CTNND2: variants seen among roughly 807,000 people sequenced by gnomAD.
CTNND2 encodes catenin delta 2.
CTNND2 carries 22 observed loss-of-function variants against 144.4 expected under a neutral mutation model. The ratio of observed to expected loss-of-function variants is 0.15; its 90% CI spans 0.11 to 0.22. CTNND2 has a LOEUF of 0.22. CTNND2 is among the 10% of genes least tolerant of loss of function. The pLI, the probability that CTNND2 is intolerant of heterozygous loss-of-function variation, is 1.00. For missense variants in CTNND2, 1,353 were observed against 1,618.8 expected, an observed-to-expected ratio of 0.84 and a Z score of 2.82; for synonymous variants, 751 against 695.6, an observed-to-expected ratio of 1.08 and a Z score of -1.25.
Position 11,397,052 on chromosome 5 carries a change from A to G in CTNND2, c.591T>C (p.Ala197=). The G allele has an allele frequency of 6.2e-7, 1 of 1,613,684 alleles. No individual in the cohort carries two copies. The highest frequency in any genetic ancestry group is 1.1e-5 in the South Asian group (1 of 91,054). ...QLPARGTQAR[A]TGQSFSQGTT... ...CTACCTGGCTGAAGCTCTGGCCCGT[A>G]GCTCGGGCTTGTGTGCCTCGGGCCG... Residue 197 remains alanine (A), a synonymous_variant, in exon 6 of 22, where the codon GCT becomes GCC. Transcript: ENST00000304623.
intron 8 of CTNND2, among the ~76,000 whole-genome samples, chr5:11,351,753 ATTTGTC>A (rs1233277498): frequency 6.6e-6 from 1 of 152,236 alleles, no homozygotes; most frequent in Admixed American, 6.5e-5. Flanking sequence ...TTTTTGGATT[ATTTGTC>A]TTTAAGTATA....
At chr5:11,627,401 T>G (rs1489401966) in intron 2 of CTNND2, among the ~76,000 whole-genome samples, 2 of 152,214 alleles carry the variant, frequency 1.3e-5, no homozygotes, top group East Asian at 3.9e-4. Flanking sequence ...TGTACCATGA[T>G]GTTTTTAACA....
intron 2 of CTNND2, among the ~76,000 whole-genome samples, chr5:11,674,894 T>A (rs1425796870): frequency 6.6e-6 from 1 of 152,044 alleles, no homozygotes; most frequent in Non-Finnish European, 1.5e-5. Flanking sequence ...CCTGGCTAAT[T>A]TTTGCATTTT....
At chr5:11,602,289 C>T (rs1323273522) in intron 2 of CTNND2, among the ~76,000 whole-genome samples, 1 of 152,006 alleles carries the variant, frequency 6.6e-6, no homozygotes, top group East Asian at 1.9e-4. Flanking sequence ...TAGAGTTTTA[C>T]ACCGCTGGTA....
chr5:11,554,140 C>T (rs1300578591), intron 3 of CTNND2, among the ~76,000 whole-genome samples: 1 of 151,996 alleles, frequency 6.6e-6, no homozygotes, highest in Non-Finnish European at 1.5e-5. Flanking sequence ...TATAATTTGT[C>T]AATTGGCAAT....
At chr5:11,729,471 CT>C (rs1328571231) in intron 2 of CTNND2, among the ~76,000 whole-genome samples, 1 of 152,154 alleles carries the variant, frequency 6.6e-6, no homozygotes, top group East Asian at 1.9e-4. Flanking sequence ...TAATACCATA[CT>C]ATGTAATTTC....
intron 16 of CTNND2, among the ~76,000 whole-genome samples, chr5:11,037,262 A>T (rs1302013278): frequency 6.6e-6 from 1 of 152,184 alleles, no homozygotes. Flanking sequence ...TGAGTAAACA[A>T]CCAGACCTAT....
chr5:11,864,413 T>C (rs1795644873), intron 1 of CTNND2, among the ~76,000 whole-genome samples: 1 of 152,198 alleles, frequency 6.6e-6, no homozygotes, highest in Non-Finnish European at 1.5e-5. Flanking sequence ...CTGACCATGA[T>C]TCTTGCAAAA....
chr5:11,500,890 C>T (rs1016777148), intron 3 of CTNND2, among the ~76,000 whole-genome samples: 2 of 152,148 alleles, frequency 1.3e-5, no homozygotes, highest in African/African-American at 4.8e-5. Flanking sequence ...ATTATTATTA[C>T]TATATAGACA....
chr5:11,242,656 G>C (rs951279485), intron 9 of CTNND2, among the ~76,000 whole-genome samples: 1 of 152,118 alleles, frequency 6.6e-6, no homozygotes, highest in Non-Finnish European at 1.5e-5. Context: ...ACCAGAGCCC[G>C]AGTTGAGAAG....
intron 9 of CTNND2, among the ~76,000 whole-genome samples, chr5:11,341,105 C>T (rs1416774299): frequency 6.6e-6 from 1 of 152,128 alleles, no homozygotes; most frequent in Non-Finnish European, 1.5e-5. Context: ...CTGTTGGGCC[C>T]AGAAGTGACA....
Position 11,334,232 on chromosome 5 carries a change from G to A in CTNND2, c.1628+12140C>T, listed in dbSNP as rs145457202. 3.4e-3 allele frequency among the ~76,000 whole-genome samples: 518 copies of A among 152,230 alleles called. 4 individuals are homozygous for A. The highest frequency in any genetic ancestry group is 0.012 in the African/African-American group (486 of 41,544). ...TTTTCACTGCAAAGAAATCATACAC[G>A]TTTGAGGTGATGGATAAGCTAAGTA... is the stretch of plus-strand genomic sequence containing the variant. On this transcript the variant is annotated intron_variant, in intron 9 of 21. Coordinates refer to ENST00000304623, the MANE Select transcript of CTNND2 (RefSeq NM_001332.4).
intron 9 of CTNND2, among the ~76,000 whole-genome samples, chr5:11,307,710 C>T (rs1032383521): frequency 8.5e-5 from 13 of 152,054 alleles, no homozygotes; most frequent in African/African-American, 1.7e-4. Flanking sequence ...TCAAGACAAA[C>T]GAAACTTATT....
chr5:11,679,365 G>A (rs1784326527), intron 2 of CTNND2, among the ~76,000 whole-genome samples: 1 of 152,128 alleles, frequency 6.6e-6, no homozygotes, highest in Admixed American at 6.5e-5. Context: ...CCAGAAATAT[G>A]GAGATTAAAA....
At chr5:11,264,926 G>A (rs1207109048) in intron 9 of CTNND2, among the ~76,000 whole-genome samples, 3 of 151,958 alleles carry the variant, frequency 2.0e-5, no homozygotes, top group African/African-American at 4.8e-5. Flanking sequence ...GTAAGACCCC[G>A]TCTCATTAAA....
chr5:11,680,716 C>T (rs533829786), intron 2 of CTNND2, among the ~76,000 whole-genome samples: 2 of 152,150 alleles, frequency 1.3e-5, no homozygotes, highest in East Asian at 3.9e-4. Context: ...GAAGTCAGGG[C>T]AGAAATAACA....
chr5:11,789,385 C>T (rs1370409284), intron 1 of CTNND2, among the ~76,000 whole-genome samples: 2 of 152,106 alleles, frequency 1.3e-5, no homozygotes, highest in East Asian at 3.9e-4. Context: ...CTTCTACTGT[C>T]TCCTTTTATC....
intron 18 of CTNND2, among the ~76,000 whole-genome samples, chr5:11,013,748 C>G (rs1280338687): frequency 6.6e-6 from 1 of 152,198 alleles, no homozygotes; most frequent in African/African-American, 2.4e-5. Flanking sequence ...AACGGTACTG[C>G]CTTTCTTCTC....
intron 9 of CTNND2, among the ~76,000 whole-genome samples, chr5:11,330,515 G>GAAAAAAA (rs1753018078): frequency 7.7e-6 from 1 of 130,572 alleles, no homozygotes; most frequent in African/African-American, 2.8e-5. Context: ...AAAAAGAAAG[G>GAAAAAAA]AAAACTTATG....
Sources: allele counts gnomAD v4.1 joint callset (sites outside exome capture counted in the v4.1 genomes callset), GRCh38; gene constraint gnomAD v4.1.1; transcripts MANE v1.5; gene names NCBI Gene and HGNC (gene_info 2026-07-23, HGNC 2026-07-21).